The following SEMA5A variants were observed in gnomAD, a reference collection of about 807,000 sequenced individuals.
The protein encoded by SEMA5A is semaphorin 5A, also known as semaphorin-5A.
SEMA5A carries 55 observed loss-of-function variants against 135.5 expected under a neutral mutation model. The observed-to-expected ratio is 0.41, with a 90% CI of 0.33 to 0.51. SEMA5A has a LOEUF of 0.51. Ranked by LOEUF, SEMA5A falls within the 20% of genes least tolerant of loss-of-function variation. The probability of loss-of-function intolerance (pLI) is 0.37; values close to 1 mark genes in which losing one functional copy is unlikely to be tolerated. For missense variants in SEMA5A, 1,290 were observed against 1,419.9 expected, an observed-to-expected ratio of 0.91 and a Z score of 1.47; for synonymous variants, 580 against 546.5, an observed-to-expected ratio of 1.06 and a Z score of -0.85.
intron 1 of SEMA5A, among the ~76,000 whole-genome samples, chr5:9,481,542 A>G (rs550264178): frequency 1.3e-5 from 2 of 152,310 alleles, no homozygotes; most frequent in African/African-American, 4.8e-5. Context: ...ACAAACCATT[A>G]GAAATTCTAG....
intron 3 of SEMA5A, among the ~76,000 whole-genome samples, chr5:9,360,391 A>G (rs910714703): frequency 6.6e-6 from 1 of 152,256 alleles, no homozygotes; most frequent in Non-Finnish European, 1.5e-5. Flanking sequence ...TTCAAAATAC[A>G]TATAATTGAG....
In SEMA5A at chr5:9,197,167, C is replaced by T; in HGVS notation, c.1068+1G>A. 6.2e-7 allele frequency: 1 copy of T among 1,614,160 alleles called. No homozygotes were observed. Among genetic ancestry groups the T allele is most frequent in the Non-Finnish European group, 8.5e-7 (1 of 1,180,018 alleles). ...GTGCCCCTTTGCCCCCCGAAAATTA[C>T]CTGGAAGTGGGGGTTTGGGTTGGGA... On this transcript the variant is annotated splice_donor_variant, in intron 10 of 22. Coordinates refer to ENST00000382496, the MANE Select transcript of SEMA5A (RefSeq NM_003966.3). LOFTEE classifies it high-confidence loss of function.
chr5:9,445,668 C>CA (rs1000234598), intron 1 of SEMA5A, among the ~76,000 whole-genome samples: 33 of 147,068 alleles, frequency 2.2e-4, no homozygotes, highest in Admixed American at 2.7e-4. Flanking sequence ...GACTCTGTCT[C>CA]AAAAAAAAAA....
rs145301849 is a variant in SEMA5A, at chr5:9,056,696, G to A, written c.2519-2439C>T. 3.6e-3 allele frequency among the ~76,000 whole-genome samples: 551 copies of A among 152,268 alleles called. 1 individual carries two copies. The highest frequency in any genetic ancestry group is 0.013 in the African/African-American group (533 of 41,568). ...GAGATGGTGCCAATGCATCCAGCAT[G>A]GCTGACACAGCGAGACTCCATCACA... On this transcript the variant is annotated intron_variant, in intron 18 of 22. Transcript: ENST00000382496.
intron 1 of SEMA5A, among the ~76,000 whole-genome samples, chr5:9,525,042 A>G (rs1406507626): frequency 3.3e-5 from 5 of 152,228 alleles, no homozygotes; most frequent in Admixed American, 2.0e-4. Flanking sequence ...TGAAATTGCC[A>G]ATAGTTGACC....
intron 13 of SEMA5A, among the ~76,000 whole-genome samples, chr5:9,134,949 A>C (rs969380069): frequency 3.3e-5 from 5 of 152,088 alleles, no homozygotes; most frequent in African/African-American, 1.2e-4. Flanking sequence ...ACCATTTTAA[A>C]GGGATTTTGC....
intron 1 of SEMA5A, among the ~76,000 whole-genome samples, chr5:9,481,674 GT>G (rs1759881301): frequency 6.7e-6 from 1 of 150,114 alleles, no homozygotes; most frequent in Non-Finnish European, 1.5e-5. Context: ...TTCTTTTTTG[GT>G]TCCACTTATT....
chr5:9,298,179 C>T (rs575137624), intron 5 of SEMA5A, among the ~76,000 whole-genome samples: 1 of 146,152 alleles, frequency 6.8e-6, no homozygotes, highest in East Asian at 2.0e-4. Flanking sequence ...GGCCATAATC[C>T]ATATGTGTCC....
At chr5:9,271,018 C>T (rs1749947479) in intron 5 of SEMA5A, among the ~76,000 whole-genome samples, 2 of 152,050 alleles carry the variant, frequency 1.3e-5, no homozygotes, top group African/African-American at 4.8e-5. Flanking sequence ...TGTTCTCTGT[C>T]CCCACCCAAA....
chr5:9,248,939 A>G (rs527632347), intron 5 of SEMA5A, among the ~76,000 whole-genome samples: 1 of 152,320 alleles, frequency 6.6e-6, no homozygotes, highest in Admixed American at 6.5e-5. Context: ...CACCAAGTTC[A>G]TGATAATTTG....
At chr5:9,152,992 C>T (rs1029512112) in intron 12 of SEMA5A, among the ~76,000 whole-genome samples, 1 of 151,488 alleles carries the variant, frequency 6.6e-6, no homozygotes, top group Non-Finnish European at 1.5e-5. Context: ...CGCTTGAACC[C>T]AGGAGGTGGA....
intron 16 of SEMA5A, among the ~76,000 whole-genome samples, chr5:9,084,322 T>C (rs1410784108): frequency 7.9e-5 from 12 of 152,160 alleles, no homozygotes; most frequent in Admixed American, 7.9e-4. Context: ...GCCCACAGCA[T>C]GAGTGGGGCT....
intron 21 of SEMA5A, chr5:9,045,670 G>A (rs1161679412): frequency 6.6e-6 from 1 of 152,128 alleles, no homozygotes; most frequent in African/African-American, 2.4e-5. Context: ...CAAGAAAATG[G>A]TTTACTAAAA....
intron 19 of SEMA5A, among the ~76,000 whole-genome samples, chr5:9,053,380 T>C (rs1236185840): frequency 6.6e-6 from 1 of 152,244 alleles, no homozygotes; most frequent in African/African-American, 2.4e-5. Context: ...GCTTTAAGAA[T>C]GCTTTGCTAT....
intron 5 of SEMA5A, among the ~76,000 whole-genome samples, chr5:9,238,698 C>CTT (rs971797150): frequency 1.4e-5 from 2 of 144,404 alleles, no homozygotes; most frequent in African/African-American, 5.1e-5. Context: ...GGCACCTGGG[C>CTT]TTTTTTTTTT....
At chr5:9,526,118 T>G (rs759031544) in intron 1 of SEMA5A, among the ~76,000 whole-genome samples, 1 of 152,222 alleles carries the variant, frequency 6.6e-6, no homozygotes, top group African/African-American at 2.4e-5. Flanking sequence ...AAACATAACC[T>G]GCTATAAAGC....
chr5:9,150,122 A>T (rs1348808987), intron 12 of SEMA5A, among the ~76,000 whole-genome samples: 1 of 152,152 alleles, frequency 6.6e-6, no homozygotes, highest in Non-Finnish European at 1.5e-5. Context: ...TACAGGTGTG[A>T]GTCACCACTT....
At chr5:9,440,858 T>G (rs922933297) in intron 1 of SEMA5A, among the ~76,000 whole-genome samples, 1 of 152,226 alleles carries the variant, frequency 6.6e-6, no homozygotes, top group African/African-American at 2.4e-5. Context: ...GAAATTAACA[T>G]GCCAGGCCAG....
intron 16 of SEMA5A, among the ~76,000 whole-genome samples, chr5:9,106,712 C>T (rs1739934945): frequency 6.6e-6 from 1 of 152,144 alleles, no homozygotes; most frequent in African/African-American, 2.4e-5. Context: ...TGTGAGTGTT[C>T]ATAAATTTGT....
Sources: allele counts gnomAD v4.1 joint callset (sites outside exome capture counted in the v4.1 genomes callset), GRCh38; gene constraint gnomAD v4.1.1; transcripts MANE v1.5; gene names NCBI Gene and HGNC (gene_info 2026-07-23, HGNC 2026-07-21).